Variants in SLC35F4 observed in about 807,000 individuals in gnomAD.
SLC35F4 encodes chromosome 14 open reading frame 36.
In SLC35F4, 24 loss-of-function variants were observed where a neutral mutation model predicts 44.2. The observed-to-expected ratio is 0.54, with a 90% CI of 0.39 to 0.76. The LOEUF (loss-of-function observed/expected upper bound fraction) is 0.76. SLC35F4 is among the 30% of genes least tolerant of loss of function. SLC35F4 has a pLI of 0.00. For synonymous variants in SLC35F4, 238 were observed against 223.6 expected (o/e 1.06, Z -0.57); for missense variants, 562 against 586.1 (o/e 0.96, Z 0.42).
chr14:57,617,573 G>A (rs2071918237), intron 1 of SLC35F4, among the ~76,000 whole-genome samples: 2 of 152,124 alleles, frequency 1.3e-5, no homozygotes, highest in African/African-American at 2.4e-5. Flanking sequence ...ACTATCTTAG[G>A]TGCTCATAAA....
At chr14:57,682,435 A>G (rs1410894045) in intron 1 of SLC35F4, among the ~76,000 whole-genome samples, 1 of 152,164 alleles carries the variant, frequency 6.6e-6, no homozygotes, top group Non-Finnish European at 1.5e-5. Flanking sequence ...ATAATTGGGA[A>G]CTGAACAATG....
At chr14:57,631,388 A>G (rs151116406) in intron 1 of SLC35F4, among the ~76,000 whole-genome samples, 2 of 152,254 alleles carry the variant, frequency 1.3e-5, no homozygotes, top group Admixed American at 6.6e-5. Context: ...AGGGAAAATA[A>G]TGTTCTTATA....
At chr14:57,858,167 A>C (rs887722616) in intron 1 of SLC35F4, among the ~76,000 whole-genome samples, 6 of 152,062 alleles carry the variant, frequency 3.9e-5, no homozygotes, top group Non-Finnish European at 7.3e-5. Flanking sequence ...TGACCCAGCC[A>C]TCCCATTACT....
intron 1 of SLC35F4, among the ~76,000 whole-genome samples, chr14:57,597,142 T>C (rs1400121295): frequency 2.6e-5 from 4 of 152,216 alleles, no homozygotes; most frequent in Admixed American, 1.3e-4. Flanking sequence ...ATTTTCTGTT[T>C]TGTATGCAAC....
chr14:57,566,002 A>G (rs2068187066), intron 7 of SLC35F4, among the ~76,000 whole-genome samples: 1 of 152,182 alleles, frequency 6.6e-6, no homozygotes, highest in Non-Finnish European at 1.5e-5. Context: ...TGAGGTGAGT[A>G]AAATTGCTTT....
intron 1 of SLC35F4, among the ~76,000 whole-genome samples, chr14:57,739,513 A>G (rs2076551642): frequency 6.6e-6 from 1 of 152,170 alleles, no homozygotes; most frequent in African/African-American, 2.4e-5. Context: ...GGTAATATCA[A>G]ATGGGTGATT....
At chr14:57,910,104 G>C (rs912913340) in intron 1 of SLC35F4, among the ~76,000 whole-genome samples, 5 of 152,030 alleles carry the variant, frequency 3.3e-5, no homozygotes, top group Admixed American at 1.3e-4. Flanking sequence ...CTTCTTTGGT[G>C]AGGTATCTGT....
At chr14:57,902,137 C>T (rs1383643071) in intron 1 of SLC35F4, among the ~76,000 whole-genome samples, 1 of 152,166 alleles carries the variant, frequency 6.6e-6, no homozygotes, top group East Asian at 1.9e-4. Context: ...TCAAAACATG[C>T]CATCCAATAC....
intron 1 of SLC35F4, among the ~76,000 whole-genome samples, chr14:57,811,909 A>G (rs2140887491): frequency 6.6e-6 from 1 of 152,266 alleles, no homozygotes; most frequent in South Asian, 2.1e-4. Flanking sequence ...TGGAGCCCAG[A>G]CATTTGAGGC....
At chr14:57,838,063 G>A (rs60277808) in intron 1 of SLC35F4, among the ~76,000 whole-genome samples, 3 of 152,084 alleles carry the variant, frequency 2.0e-5, no homozygotes, top group Non-Finnish European at 4.4e-5. Context: ...GCTTAATGCC[G>A]GTGATACTAA....
At chr14:57,758,042 T>TGTGTGTG (rs57803929) in intron 1 of SLC35F4, among the ~76,000 whole-genome samples, 5 of 150,788 alleles carry the variant, frequency 3.3e-5, no homozygotes, top group South Asian at 2.1e-4. Context: ...TGTGTGTGTG[T>TGTGTGTG]TATTTTAATA....
At chr14:57,799,257 G>C (rs2078128477) in intron 1 of SLC35F4, among the ~76,000 whole-genome samples, 1 of 152,158 alleles carries the variant, frequency 6.6e-6, no homozygotes, top group South Asian at 2.1e-4. Context: ...AGCCCCAGCC[G>C]GGAAACCACG....
chr14:57,899,284 A>C (rs564863109), intron 1 of SLC35F4, among the ~76,000 whole-genome samples: 1 of 152,200 alleles, frequency 6.6e-6, no homozygotes, highest in African/African-American at 2.4e-5. Context: ...CGTTTTTCAC[A>C]TAAGAAGTCT....
chr14:57,748,855 A>G (rs1290643163), intron 1 of SLC35F4, among the ~76,000 whole-genome samples: 1 of 152,202 alleles, frequency 6.6e-6, no homozygotes, highest in African/African-American at 2.4e-5. Context: ...CTAAAATTGC[A>G]AAGTTTAGAC....
intron 1 of SLC35F4, among the ~76,000 whole-genome samples, chr14:57,935,296 C>T (rs150969644): frequency 3.7e-4 from 56 of 152,292 alleles, no homozygotes; most frequent in Admixed American, 6.5e-4. Flanking sequence ...AATGAATGAA[C>T]AGAAACAGGA....
intron 1 of SLC35F4, among the ~76,000 whole-genome samples, chr14:57,835,223 C>G (rs1884800207): frequency 6.6e-6 from 1 of 152,190 alleles, no homozygotes; most frequent in South Asian, 2.1e-4. Flanking sequence ...TATTGTTCCT[C>G]CTCACCAGAC....
At chr14:57,785,063 G>A (rs2077721500) in intron 1 of SLC35F4, among the ~76,000 whole-genome samples, 1 of 152,170 alleles carries the variant, frequency 6.6e-6, no homozygotes, top group Non-Finnish European at 1.5e-5. Context: ...CCAACAGTAG[G>A]CTATTAGTGG....
At chr14:57,737,707 C>T (rs982680949) in intron 1 of SLC35F4, among the ~76,000 whole-genome samples, 4 of 152,186 alleles carry the variant, frequency 2.6e-5, no homozygotes, top group East Asian at 1.9e-4. Context: ...TACTGTAAGC[C>T]GTGCTACATT....
chr14:57,956,247 C>T (rs530222463), intron 1 of SLC35F4, among the ~76,000 whole-genome samples: 1 of 152,126 alleles, frequency 6.6e-6, no homozygotes, highest in Non-Finnish European at 1.5e-5. Flanking sequence ...ATGCAGAAAA[C>T]TGAAACTAGA....
Sources: gnomAD v4.1 joint callset for allele counts (sites outside exome capture counted in the v4.1 genomes callset) on GRCh38, gnomAD v4.1.1 for gene constraint, MANE v1.5 for transcripts, NCBI Gene and HGNC (gene_info 2026-07-23, HGNC 2026-07-21) for gene names.